TRPM3: variants seen among roughly 807,000 people sequenced by gnomAD.
TRPM3 encodes the protein long transient receptor potential channel 3.
TRPM3 carries 77 observed loss-of-function variants against 181.2 expected under a neutral mutation model. That is an observed-to-expected ratio of 0.42 (90% CI 0.35 to 0.51). The LOEUF (loss-of-function observed/expected upper bound fraction) is 0.51, where lower values mean the gene tolerates loss of function less well. TRPM3 is among the 20% of genes least tolerant of loss of function. TRPM3 has a pLI of 0.01. For missense variants in TRPM3, 1,759 were observed against 2,196.7 expected, an observed-to-expected ratio of 0.80 and a Z score of 3.98; for synonymous variants, 745 against 796.4, an observed-to-expected ratio of 0.94 and a Z score of 1.09.
At chr9:71,343,304 AAAAG>A (rs924000839) in intron 1 of TRPM3, among the ~76,000 whole-genome samples, 1 of 152,206 alleles carries the variant, frequency 6.6e-6, no homozygotes, top group African/African-American at 2.4e-5. Context: ...ATGACACTGA[AAAAG>A]AAAGAACTAG....
At chr9:71,327,200 T>C (rs1202549885) in intron 1 of TRPM3, among the ~76,000 whole-genome samples, 2 of 152,236 alleles carry the variant, frequency 1.3e-5, no homozygotes, top group Non-Finnish European at 2.9e-5. Flanking sequence ...TTAAAGATAC[T>C]TTAGATTTGA....
At chr9:71,431,055 T>C (rs1266296898) in intron 1 of TRPM3, among the ~76,000 whole-genome samples, 2 of 152,150 alleles carry the variant, frequency 1.3e-5, no homozygotes, top group Non-Finnish European at 2.9e-5. Flanking sequence ...ATATTGAAGA[T>C]ATAGCATATT....
intron 1 of TRPM3, among the ~76,000 whole-genome samples, chr9:71,392,579 T>A (rs2093088173): frequency 6.6e-6 from 1 of 152,138 alleles, no homozygotes. Flanking sequence ...CATCCTACTT[T>A]CTTTCAGATA....
intron 1 of TRPM3, among the ~76,000 whole-genome samples, chr9:71,327,876 T>C (rs1383967354): frequency 6.6e-6 from 1 of 152,144 alleles, no homozygotes; most frequent in African/African-American, 2.4e-5. Context: ...AATAGTTTCC[T>C]GAGTGTCAAC....
At chr9:70,749,911 A>G (rs1212156956) in intron 8 of TRPM3, among the ~76,000 whole-genome samples, 2 of 152,182 alleles carry the variant, frequency 1.3e-5, no homozygotes, top group African/African-American at 4.8e-5. Flanking sequence ...TTCAATGGCT[A>G]ATTATTGAAA....
chr9:70,541,341 T>C (rs369271914), intron 25 of TRPM3, among the ~76,000 whole-genome samples: 14 of 152,098 alleles, frequency 9.2e-5, no homozygotes, highest in Admixed American at 3.9e-4. Context: ...TTTTCTCCAT[T>C]TTCTCCCAGA....
intron 1 of TRPM3, among the ~76,000 whole-genome samples, chr9:71,170,943 T>C (rs904202918): frequency 6.6e-6 from 1 of 152,144 alleles, no homozygotes; most frequent in African/African-American, 2.4e-5. Context: ...CAAAAGCAAA[T>C]GGGAGAAACA....
intron 1 of TRPM3, among the ~76,000 whole-genome samples, chr9:71,242,561 T>C (rs1349068575): frequency 6.6e-6 from 1 of 152,198 alleles, no homozygotes; most frequent in East Asian, 1.9e-4. Flanking sequence ...GAGAAAGATG[T>C]CTATTTACTA....
At chr9:71,210,388 A>G (rs1189382677) in intron 1 of TRPM3, among the ~76,000 whole-genome samples, 3 of 152,188 alleles carry the variant, frequency 2.0e-5, no homozygotes, top group Non-Finnish European at 4.4e-5. Flanking sequence ...AAAATAAAGT[A>G]CACCATAAAT....
At chr9:70,658,915 G>T (rs1269637894) in intron 9 of TRPM3, among the ~76,000 whole-genome samples, 2 of 151,968 alleles carry the variant, frequency 1.3e-5, no homozygotes, top group African/African-American at 2.4e-5. Context: ...TTGACTTTTG[G>T]TTTAAAATGT....
chr9:71,128,550 T>C (rs914200447), intron 1 of TRPM3, among the ~76,000 whole-genome samples: 2 of 152,242 alleles, frequency 1.3e-5, no homozygotes, highest in East Asian at 3.8e-4. Context: ...TATTCATTAT[T>C]GTAAATGTTC....
intron 1 of TRPM3, among the ~76,000 whole-genome samples, chr9:71,095,262 C>T (rs549911973): frequency 2.0e-5 from 3 of 152,220 alleles, no homozygotes; most frequent in East Asian, 1.9e-4. Context: ...ATTAAATGAA[C>T]GCAGAAGGGG....
intron 1 of TRPM3, among the ~76,000 whole-genome samples, chr9:71,006,731 C>G (rs965500429): frequency 6.6e-6 from 1 of 151,754 alleles, no homozygotes; most frequent in African/African-American, 2.4e-5. Flanking sequence ...ATTAGCCGGG[C>G]GTGGTGGCGG....
At chr9:71,373,893 T>C (rs1162614148) in intron 1 of TRPM3, among the ~76,000 whole-genome samples, 2 of 152,170 alleles carry the variant, frequency 1.3e-5, no homozygotes. Context: ...TACTGGAAAC[T>C]GAATCCAGCA....
chr9:70,852,417 C>T (rs903340701), intron 3 of TRPM3, among the ~76,000 whole-genome samples: 3 of 152,106 alleles, frequency 2.0e-5, no homozygotes, highest in Non-Finnish European at 1.5e-5. Flanking sequence ...CTCTTTACCT[C>T]AAAGGTGTAA....
intron 1 of TRPM3, among the ~76,000 whole-genome samples, chr9:70,904,763 G>A (rs2096438206): frequency 6.6e-6 from 1 of 152,188 alleles, no homozygotes; most frequent in South Asian, 2.1e-4. Flanking sequence ...AGGTCAACAA[G>A]ATTTAGAGCT....
At chr9:71,446,787 C>A in exon 1 of TRPM3, 1 of 1,550,196 alleles carries the variant, frequency 6.5e-7, no homozygotes, top group Non-Finnish European at 8.7e-7. Context: ...TCCTCGCGGT[C>A]GGAGCAGCCC....
At chr9:70,567,093 C>T (rs899532860) in intron 22 of TRPM3, among the ~76,000 whole-genome samples, 9 of 152,188 alleles carry the variant, frequency 5.9e-5, no homozygotes, top group African/African-American at 1.2e-4. Flanking sequence ...ACACTGTTTA[C>T]TGCACCTGCT....
rs183274659 is a variant in TRPM3 at position 71,203,008 on chromosome 9, G to T, written c.183+243645C>A. Among the ~76,000 whole-genome samples, 132 of 152,262 alleles carry T rather than the reference G, an allele frequency of 8.7e-4. 1 individual carries two copies. In the South Asian group the frequency reaches 0.012, roughly 14 times the overall value. On this transcript the variant is annotated intron_variant, in intron 1 of 24. Coordinates refer to the TRPM3 transcript ENST00000357533. ...CAAATAATACTATAGCATTCCCACA[G>T]CACTGACTGTATGAAAACAATGTCA...
Sources: allele counts gnomAD v4.1 joint callset (sites outside exome capture counted in the v4.1 genomes callset), GRCh38; gene constraint gnomAD v4.1.1; transcripts MANE v1.5; gene names NCBI Gene and HGNC (gene_info 2026-07-23, HGNC 2026-07-21).